ZNF385D: variants seen among roughly 807,000 people sequenced by gnomAD.
The protein encoded by ZNF385D is zinc finger protein 659.
In ZNF385D, 15 loss-of-function variants were observed where a neutral mutation model predicts 35.8. The ratio of observed to expected loss-of-function variants is 0.42; its 90% CI spans 0.28 to 0.64. The LOEUF (loss-of-function observed/expected upper bound fraction) is 0.64, where lower values mean the gene tolerates loss of function less well. Among genes scored for constraint, ZNF385D ranks in the 30% least tolerant of loss-of-function variants. The probability of loss-of-function intolerance (pLI) is 0.23; values close to 1 mark genes in which losing one functional copy is unlikely to be tolerated. For missense variants in ZNF385D, 474 were observed against 494.6 expected (o/e 0.96, Z 0.39); for synonymous variants, 212 against 186.8 (o/e 1.13, Z -1.10).
chr3:22,275,923 A>G (rs1575013811), intron 2 of ZNF385D, among the ~76,000 whole-genome samples: 1 of 152,178 alleles, frequency 6.6e-6, no homozygotes, highest in East Asian at 1.9e-4. Flanking sequence ...CATCTCTACT[A>G]AAAACACAAA....
intron 3 of ZNF385D, among the ~76,000 whole-genome samples, chr3:22,044,216 G>A (rs937552124): frequency 6.6e-6 from 1 of 152,008 alleles, no homozygotes; most frequent in Non-Finnish European, 1.5e-5. Flanking sequence ...AGTGAGGGGT[G>A]ATGGTTCACT....
At chr3:22,221,367 A>G (rs1453492399) in intron 2 of ZNF385D, among the ~76,000 whole-genome samples, 3 of 152,082 alleles carry the variant, frequency 2.0e-5, no homozygotes, top group South Asian at 2.1e-4. Context: ...TTCATGGCCA[A>G]TCACATTGCA....
chr3:21,493,630 A>AT (rs990112149), intron 4 of ZNF385D, among the ~76,000 whole-genome samples: 1 of 146,104 alleles, frequency 6.8e-6, no homozygotes, highest in African/African-American at 2.5e-5. Context: ...AGGTTAATGG[A>AT]TTTTTTCTTT....
At chr3:22,061,097 GTTAAT>G (rs1032969905) in intron 3 of ZNF385D, among the ~76,000 whole-genome samples, 3 of 152,080 alleles carry the variant, frequency 2.0e-5, no homozygotes, top group Admixed American at 6.6e-5. Context: ...CAGGGAGAAT[GTTAAT>G]TTAATCACCT....
At chr3:21,564,412 A>T (rs1252336264) in intron 3 of ZNF385D, among the ~76,000 whole-genome samples, 162 bp downstream of exon 3, 1 of 152,228 alleles carries the variant, frequency 6.6e-6, no homozygotes, top group Admixed American at 6.5e-5. Flanking sequence ...ACATAACATA[A>T]TAAACTCCAA....
intron 2 of ZNF385D, among the ~76,000 whole-genome samples, chr3:22,325,736 C>T (rs886446713): frequency 9.2e-5 from 14 of 151,868 alleles, no homozygotes; most frequent in Non-Finnish European, 1.9e-4. Context: ...CCAGAGTGGC[C>T]AACAGAGCGA....
intron 3 of ZNF385D, among the ~76,000 whole-genome samples, chr3:22,097,948 G>C (rs1299332348): frequency 1.3e-5 from 2 of 152,026 alleles, no homozygotes; most frequent in Non-Finnish European, 2.9e-5. Flanking sequence ...ATGTGAGCTT[G>C]AACAAGGATC....
chr3:21,603,908 G>A (rs4858339), intron 2 of ZNF385D, among the ~76,000 whole-genome samples: 109,438 of 152,004 alleles, frequency 0.72, 40,067 homozygotes, highest in East Asian at 0.89. Context: ...AATTAGTTCT[G>A]GCTAATGAAA....
At chr3:21,797,594 A>C (rs970618461) in intron 3 of ZNF385D, among the ~76,000 whole-genome samples, 7 of 152,214 alleles carry the variant, frequency 4.6e-5, no homozygotes, top group Admixed American at 2.0e-4. Flanking sequence ...GAAGCAACCA[A>C]GCTGTTTTTA....
chr3:21,684,404 C>CCTCTCTCTCTCT (rs71044934), intron 1 of ZNF385D, among the ~76,000 whole-genome samples: 1 of 70,664 alleles, frequency 1.4e-5, no homozygotes, highest in African/African-American at 7.4e-5. Flanking sequence ...CTCTCTCTCT[C>CCTCTCTCTCTCT]CTCTCTCTCT....
At chr3:22,064,523 T>C (rs139737691) in intron 3 of ZNF385D, among the ~76,000 whole-genome samples, 1 of 152,298 alleles carries the variant, frequency 6.6e-6, no homozygotes, top group Middle Eastern at 3.4e-3. Flanking sequence ...ATAACTAAGA[T>C]AGGAAAGCAA....
At chr3:22,365,265 A>C (rs1559543506) in intron 2 of ZNF385D, among the ~76,000 whole-genome samples, 2 of 152,076 alleles carry the variant, frequency 1.3e-5, no homozygotes, top group Admixed American at 1.3e-4. Context: ...TTTATGACAA[A>C]AATAAACAAG....
intron 3 of ZNF385D, among the ~76,000 whole-genome samples, chr3:22,130,956 T>C (rs1161331197): frequency 6.6e-6 from 1 of 152,124 alleles, no homozygotes; most frequent in African/African-American, 2.4e-5. Flanking sequence ...CTATAGACTA[T>C]CTGTTTCTGG....
chr3:21,927,159 C>T (rs1017842410), intron 3 of ZNF385D, among the ~76,000 whole-genome samples: 1 of 152,058 alleles, frequency 6.6e-6, no homozygotes, highest in Non-Finnish European at 1.5e-5. Context: ...CCCTGTAATG[C>T]CTGTTTCCTT....
intron 3 of ZNF385D, among the ~76,000 whole-genome samples, chr3:21,823,164 A>G (rs1694384487): frequency 6.6e-6 from 1 of 152,138 alleles, no homozygotes; most frequent in African/African-American, 2.4e-5. Flanking sequence ...GATATTAATG[A>G]TATGCTCCAT....
intron 2 of ZNF385D, among the ~76,000 whole-genome samples, chr3:22,327,851 T>C (rs1343232467): frequency 6.6e-6 from 1 of 152,222 alleles, no homozygotes; most frequent in East Asian, 1.9e-4. Flanking sequence ...CATTGCTATT[T>C]CTTAAGGCAT....
At chr3:22,260,665 T>C (rs184368795) in intron 2 of ZNF385D, among the ~76,000 whole-genome samples, 1 of 151,940 alleles carries the variant, frequency 6.6e-6, no homozygotes, top group Admixed American at 6.6e-5. Flanking sequence ...TGGACATAAA[T>C]CTGCCCATTC....
chr3:22,290,087 G>A (rs1241472745), intron 2 of ZNF385D, among the ~76,000 whole-genome samples: 1 of 152,100 alleles, frequency 6.6e-6, no homozygotes, highest in African/African-American at 2.4e-5. Flanking sequence ...TGTGTTCTAG[G>A]GAGATTTGTG....
At chr3:22,347,975 T>C (rs1232776382) in intron 2 of ZNF385D, among the ~76,000 whole-genome samples, 4 of 152,190 alleles carry the variant, frequency 2.6e-5, no homozygotes, top group Non-Finnish European at 5.9e-5. Flanking sequence ...TATGAATAAA[T>C]TCCTGAAGAA....
Sources: allele counts gnomAD v4.1 joint callset (sites outside exome capture counted in the v4.1 genomes callset), GRCh38; gene constraint gnomAD v4.1.1; transcripts MANE v1.5; gene names NCBI Gene and HGNC (gene_info 2026-07-23, HGNC 2026-07-21).